The following CPED1 variants were observed in gnomAD, a reference collection of about 807,000 sequenced individuals.
CPED1 encodes cadherin-like and PC-esterase domain-containing protein 1.
In CPED1, 114 loss-of-function variants were observed where a neutral mutation model predicts 128.2. The ratio of observed to expected loss-of-function variants is 0.89; its 90% CI spans 0.76 to 1.04. CPED1 has a LOEUF of 1.04. Among genes scored for constraint, CPED1 ranks in the 50% least tolerant of loss-of-function variants. The pLI is 0.00. For missense variants in CPED1, 1,211 were observed against 1,207.1 expected (o/e 1.00, Z -0.05); for synonymous variants, 462 against 426.7 (o/e 1.08, Z -1.02).
intron 16 of CPED1, among the ~76,000 whole-genome samples, chr7:121,211,614 A>C (rs532041374): frequency 1.5e-5 from 1 of 65,180 alleles, no homozygotes; most frequent in Non-Finnish European, 3.4e-5. Flanking sequence ...AGGGCTGTGG[A>C]TTGTTGAGAA....
chr7:121,117,077 TTATATATATATATA>T (rs34007948), intron 7 of CPED1, among the ~76,000 whole-genome samples: 1 of 128,804 alleles, frequency 7.8e-6, no homozygotes, highest in East Asian at 2.4e-4. Flanking sequence ...TATATACACA[TTATATATATATATA>T]TATATATAAA....
At position 121,015,840 on chromosome 7, in the gene CPED1, T is replaced by C; in HGVS notation, c.425T>C (p.Leu142Pro). ...AATGCTGGCCTAGGGCCGGGGCTAC[T>C]AGAACAAGGTCAGAATAGTGAGAAG... The part of the protein sequence containing the change: ...RLNAGLGPGL[L>P]EQGDLGSWDL... The change falls in exon 3 of 23, where the codon CTA becomes CCA. Residue 142 changes from leucine to proline, a missense_variant. By Grantham distance (98) the Leu-to-Pro change is moderately conservative (BLOSUM62 -3). Coordinates refer to ENST00000310396, the MANE Select transcript of CPED1 (RefSeq NM_024913.5). The C allele has an allele frequency of 6.5e-7, 1 of 1,549,108 alleles. No homozygotes were observed. The highest frequency in any genetic ancestry group is 8.7e-7 in the Non-Finnish European group (1 of 1,154,920).
At chr7:121,249,247 A>G (rs1278407821) in intron 18 of CPED1, among the ~76,000 whole-genome samples, 1 of 152,196 alleles carries the variant, frequency 6.6e-6, no homozygotes, top group Non-Finnish European at 1.5e-5. Flanking sequence ...CTTAGAAAAT[A>G]CATTTGATGA....
chr7:121,092,716 G>A (rs371093510), intron 5 of CPED1, among the ~76,000 whole-genome samples: 29 of 152,244 alleles, frequency 1.9e-4, no homozygotes, highest in Middle Eastern at 3.4e-3. Context: ...TTCAGCTAAA[G>A]CCTCTTCCCA....
At chr7:121,003,692 G>A (rs538678333) in intron 2 of CPED1, among the ~76,000 whole-genome samples, 1 of 152,272 alleles carries the variant, frequency 6.6e-6, no homozygotes, top group South Asian at 2.1e-4. Flanking sequence ...AGCAGGAACA[G>A]GTAGACAGGG....
At chr7:121,024,384 G>A (rs1792516633) in intron 3 of CPED1, among the ~76,000 whole-genome samples, 1 of 152,132 alleles carries the variant, frequency 6.6e-6, no homozygotes, top group African/African-American at 2.4e-5. Context: ...TTACTCCAAA[G>A]AAACTAAACT....
chr7:121,060,919 C>T (rs1417850641), intron 4 of CPED1, among the ~76,000 whole-genome samples: 1 of 152,188 alleles, frequency 6.6e-6, no homozygotes, highest in Non-Finnish European at 1.5e-5. Context: ...AGCTTCACTC[C>T]TGAAGCCAGC....
At chr7:121,053,967 G>C (rs1793427227) in intron 4 of CPED1, among the ~76,000 whole-genome samples, 2 of 151,934 alleles carry the variant, frequency 1.3e-5, no homozygotes, top group Admixed American at 6.6e-5. Flanking sequence ...TCTTTCCTTG[G>C]ACATTTCCTT....
intron 8 of CPED1, 21 bp downstream of exon 8, chr7:121,124,494 T>TAA: frequency 1.1e-5 from 13 of 1,184,456 alleles, no homozygotes; most frequent in South Asian, 3.7e-5. Context: ...AATTTTAATT[T>TAA]AAAAAAAAAA....
chr7:121,018,965 A>C (rs1792371801), intron 3 of CPED1, among the ~76,000 whole-genome samples: 1 of 152,024 alleles, frequency 6.6e-6, no homozygotes, highest in African/African-American at 2.4e-5. Flanking sequence ...TAACCTTTTG[A>C]GTAACATAAT....
At chr7:121,180,328 C>T (rs1420541735) in intron 16 of CPED1, among the ~76,000 whole-genome samples, 3 of 151,732 alleles carry the variant, frequency 2.0e-5, no homozygotes, top group African/African-American at 4.8e-5. Flanking sequence ...AAATGGATTC[C>T]GAAGATTTTA....
intron 5 of CPED1, among the ~76,000 whole-genome samples, chr7:121,073,484 T>C (rs2896300): frequency 0.28 from 42,328 of 152,080 alleles, 7,058 homozygotes; most frequent in Non-Finnish European, 0.38. Context: ...TTCATTTCTC[T>C]AAAAATGTTT....
chr7:121,261,546 C>G, intron 18 of CPED1: 3 of 1,545,626 alleles, frequency 1.9e-6, no homozygotes, highest in Non-Finnish European at 2.6e-6. Flanking sequence ...TGAGTTCTAA[C>G]CAGTGGAATA....
chr7:121,115,060 G>C (rs1047177432), intron 7 of CPED1, among the ~76,000 whole-genome samples: 2 of 152,166 alleles, frequency 1.3e-5, no homozygotes, highest in African/African-American at 4.8e-5. Flanking sequence ...TGTTCTTTAT[G>C]AGCAGGGGAC....
At chr7:121,191,885 T>C (rs554551617) in intron 16 of CPED1, among the ~76,000 whole-genome samples, 6 of 152,264 alleles carry the variant, frequency 3.9e-5, no homozygotes, top group Admixed American at 6.5e-5. Flanking sequence ...CCACAATAAA[T>C]ATTTCATTTT....
intron 4 of CPED1, among the ~76,000 whole-genome samples, chr7:121,060,511 T>A (rs1793631433): frequency 1.3e-5 from 2 of 152,206 alleles, no homozygotes; most frequent in South Asian, 4.1e-4. Context: ...ATCAGCACCC[T>A]GTGTCTAGCT....
chr7:121,006,815 G>A (rs1251785722), intron 2 of CPED1, among the ~76,000 whole-genome samples: 1 of 152,150 alleles, frequency 6.6e-6, no homozygotes, highest in Non-Finnish European at 1.5e-5. Context: ...CTGACCCACA[G>A]CTGTGCAACG....
intron 4 of CPED1, among the ~76,000 whole-genome samples, chr7:121,048,600 C>T (rs968124537): frequency 1.1e-4 from 16 of 152,068 alleles, no homozygotes; most frequent in African/African-American, 3.4e-4. Context: ...GGTGCAATGG[C>T]GTGATCTCAC....
chr7:120,993,538 A>G (rs1424860964), intron 2 of CPED1, among the ~76,000 whole-genome samples: 3 of 152,260 alleles, frequency 2.0e-5, no homozygotes, highest in South Asian at 4.1e-4. Flanking sequence ...GTTCTCATTG[A>G]AAATGATCTA....
Sources: gnomAD v4.1 joint callset for allele counts (sites outside exome capture counted in the v4.1 genomes callset) on GRCh38, gnomAD v4.1.1 for gene constraint, MANE v1.5 for transcripts, NCBI Gene and HGNC (gene_info 2026-07-23, HGNC 2026-07-21) for gene names.